Variants in NRXN3 observed in about 807,000 individuals in gnomAD.
The protein encoded by NRXN3 is neurexin 3.
Under a neutral mutation model 137.6 loss-of-function variants are expected in NRXN3, and 32 were observed. The ratio of observed to expected loss-of-function variants is 0.23; its 90% confidence interval spans 0.18 to 0.31. NRXN3 has a LOEUF of 0.31. NRXN3 is among the 10% of genes least tolerant of loss of function. The probability of loss-of-function intolerance (pLI) is 1.00; values close to 1 mark genes in which losing one functional copy is unlikely to be tolerated. For synonymous variants in NRXN3, 798 were observed against 784.5 expected (o/e 1.02, Z -0.29); for missense variants, 1,574 against 2,062.5 (o/e 0.76, Z 4.59).
chr14:79,791,026 A>T (rs2099143570), intron 19 of NRXN3, among the ~76,000 whole-genome samples: 1 of 152,094 alleles, frequency 6.6e-6, no homozygotes, highest in Non-Finnish European at 1.5e-5. Context: ...TTCATGAGGG[A>T]TCCACCCCTC....
chr14:78,897,467 C>G (rs2099180678), intron 10 of NRXN3, among the ~76,000 whole-genome samples: 1 of 151,576 alleles, frequency 6.6e-6, no homozygotes, highest in African/African-American at 2.4e-5. Flanking sequence ...AAAAGCTTAT[C>G]CCTAGAATTG....
In NRXN3 at chr14:79,007,632, C is replaced by T. The variant is rs187392289; in HGVS notation, c.3262+19491C>T. On this transcript the variant is annotated intron_variant, in intron 15 of 20. Coordinates refer to ENST00000335750, the MANE Select transcript of NRXN3 (RefSeq NM_001330195.2). ...CATCCTGGCTAACACGGTGAAACCC[C>T]GTCTCTACTAAAAAATAAAGAAAAT... 9.2e-5 allele frequency among the ~76,000 whole-genome samples: 14 copies of T among 151,456 alleles called. No individual in the cohort carries two copies. In the East Asian group the frequency reaches 2.7e-3, roughly 30 times the overall value.
intron 15 of NRXN3, among the ~76,000 whole-genome samples, chr14:79,409,301 C>T (rs2095370413): frequency 6.6e-6 from 1 of 151,490 alleles, no homozygotes; most frequent in Non-Finnish European, 1.5e-5. Flanking sequence ...GGGTAGCAGA[C>T]TACAGATATA....
chr14:79,839,644 T>C (rs1413417670), intron 20 of NRXN3, among the ~76,000 whole-genome samples: 2 of 152,202 alleles, frequency 1.3e-5, no homozygotes, highest in Non-Finnish European at 2.9e-5. Context: ...GGTTTTTAAC[T>C]TGATGTAATC....
intron 8 of NRXN3, among the ~76,000 whole-genome samples, chr14:78,717,057 T>C (rs1016352921): frequency 6.6e-6 from 1 of 152,200 alleles, no homozygotes; most frequent in African/African-American, 2.4e-5. Context: ...GAGACAGTTT[T>C]GGTGTTTGCC....
In NRXN3 at chr14:78,901,080, C is replaced by T. The variant is rs139023044; in HGVS notation, c.2276-56162C>T. Among the ~76,000 whole-genome samples, 259 of 152,126 alleles carry T rather than the reference C, an allele frequency of 1.7e-3. 2 individuals are homozygous for T. The highest frequency in any genetic ancestry group is 5.8e-3 in the African/African-American group (242 of 41,548). On this transcript the variant is annotated intron_variant, in intron 10 of 20. Coordinates refer to ENST00000335750, the MANE Select transcript of NRXN3 (RefSeq NM_001330195.2). ...TTTCTCACCTACCTCCCAGCAAAAA[C>T]AAATGACATAAAAATATTTTTTTCT...
chr14:78,404,070 A>G (rs561531121), intron 4 of NRXN3, among the ~76,000 whole-genome samples: 1 of 152,290 alleles, frequency 6.6e-6, no homozygotes, highest in East Asian at 1.9e-4. Context: ...GATAACCAAA[A>G]GAAAGGGAAG....
intron 1 of NRXN3, among the ~76,000 whole-genome samples, chr14:78,210,356 C>T (rs2062623188): frequency 6.6e-6 from 1 of 152,140 alleles, no homozygotes; most frequent in East Asian, 1.9e-4. Context: ...GCTCCACCCT[C>T]GTGACCCAAT....
At chr14:79,418,176 T>C (rs910879110) in intron 15 of NRXN3, among the ~76,000 whole-genome samples, 3 of 152,208 alleles carry the variant, frequency 2.0e-5, no homozygotes, top group African/African-American at 4.8e-5. Flanking sequence ...CACTGAGGTA[T>C]GCTGCCAACA....
At chr14:79,538,042 G>A (rs1032036421) in intron 16 of NRXN3, among the ~76,000 whole-genome samples, 1 of 152,190 alleles carries the variant, frequency 6.6e-6, no homozygotes, top group Non-Finnish European at 1.5e-5. Flanking sequence ...CTGATGGCCG[G>A]TGATGATGAG....
At chr14:79,788,612 C>G (rs2099136280) in intron 19 of NRXN3, among the ~76,000 whole-genome samples, 1 of 152,198 alleles carries the variant, frequency 6.6e-6, no homozygotes, top group African/African-American at 2.4e-5. Context: ...ACCTTGGACT[C>G]TCACCATAAT....
chr14:78,713,814 C>G (rs1219902244), intron 7 of NRXN3, among the ~76,000 whole-genome samples: 3 of 152,180 alleles, frequency 2.0e-5, no homozygotes, highest in Non-Finnish European at 4.4e-5. Flanking sequence ...AACTCACTCA[C>G]TATCATGAGA....
intron 15 of NRXN3, among the ~76,000 whole-genome samples, chr14:79,316,349 T>G (rs2088665379): frequency 6.6e-6 from 1 of 152,144 alleles, no homozygotes; most frequent in South Asian, 2.1e-4. Flanking sequence ...CTGTGGAGAT[T>G]GTTTAGCCAA....
intron 4 of NRXN3, among the ~76,000 whole-genome samples, chr14:78,425,550 C>A (rs985888300): frequency 6.6e-6 from 1 of 152,176 alleles, no homozygotes; most frequent in African/African-American, 2.4e-5. Flanking sequence ...CACAGGCCAG[C>A]AGGGGCCCCT....
chr14:79,788,864 G>C (rs914167699), intron 19 of NRXN3, among the ~76,000 whole-genome samples: 1 of 151,936 alleles, frequency 6.6e-6, no homozygotes, highest in African/African-American at 2.4e-5. Context: ...TGTTTGGGTT[G>C]GACCTTAAAA....
At chr14:78,715,267 T>C (rs2152849117) in intron 8 of NRXN3, 128 bp downstream of exon 8, 1 of 1,221,268 alleles carries the variant, frequency 8.2e-7, no homozygotes, top group East Asian at 2.5e-5. Flanking sequence ...TTGGGTTTAC[T>C]GATTTCCAGA....
At chr14:78,568,930 C>G (rs1044130839) in intron 4 of NRXN3, among the ~76,000 whole-genome samples, 2 of 148,524 alleles carry the variant, frequency 1.3e-5, no homozygotes, top group Non-Finnish European at 3.0e-5. Flanking sequence ...TCTGATTCAG[C>G]AGGTCTGTGG....
intron 19 of NRXN3, among the ~76,000 whole-genome samples, chr14:79,738,509 A>G (rs971886200): frequency 6.6e-6 from 1 of 152,134 alleles, no homozygotes; most frequent in African/African-American, 2.4e-5. Context: ...CAATGATACT[A>G]ATTTCAAATT....
chr14:79,564,754 A>C (rs954348476), intron 16 of NRXN3, among the ~76,000 whole-genome samples: 3 of 152,118 alleles, frequency 2.0e-5, no homozygotes, highest in Non-Finnish European at 4.4e-5. Flanking sequence ...ATTTTTATAG[A>C]ATTTTAATGC....
Sources: allele counts gnomAD v4.1 joint callset (sites outside exome capture counted in the v4.1 genomes callset), GRCh38; gene constraint gnomAD v4.1.1; transcripts MANE v1.5; gene names NCBI Gene and HGNC (gene_info 2026-07-23, HGNC 2026-07-21).